Variants in PDZRN3 observed in about 807,000 individuals in gnomAD.
PDZRN3 encodes the protein E3 ubiquitin-protein ligase PDZRN3.
PDZRN3 carries 38 observed loss-of-function variants against 85.7 expected under a neutral mutation model. The ratio of observed to expected loss-of-function variants is 0.44; its 90% confidence interval spans 0.34 to 0.58. PDZRN3 has a LOEUF of 0.58. PDZRN3 is among the 20% of genes least tolerant of loss of function. The pLI is 0.01. For missense variants in PDZRN3, 1,629 were observed against 1,506.4 expected (o/e 1.08, Z -1.35); for synonymous variants, 759 against 638.0 (o/e 1.19, Z -2.86).
chr3:73,530,135 T>G (rs1168266225), intron 3 of PDZRN3, among the ~76,000 whole-genome samples: 5 of 152,198 alleles, frequency 3.3e-5, no homozygotes, highest in African/African-American at 7.2e-5. Context: ...CATCGCACTC[T>G]GGGGGTCAAA....
At chr3:73,569,214 G>T (rs764583283) in intron 3 of PDZRN3, 14 of 1,288,892 alleles carry the variant, frequency 1.1e-5, no homozygotes, top group Non-Finnish European at 1.4e-5. Context: ...GATTTCTGAA[G>T]GTCCTTCATA....
At chr3:73,549,382 G>A (rs776998660) in intron 3 of PDZRN3, among the ~76,000 whole-genome samples, 5 of 152,184 alleles carry the variant, frequency 3.3e-5, no homozygotes, top group African/African-American at 7.2e-5. Context: ...GGCAGGAAGA[G>A]TGAATCAAGC....
At chr3:73,440,223 A>G (rs1055250861) in intron 3 of PDZRN3, among the ~76,000 whole-genome samples, 1 of 152,142 alleles carries the variant, frequency 6.6e-6, no homozygotes, top group Admixed American at 6.5e-5. Context: ...TTTTTACAAT[A>G]ACATGGAGAG....
chr3:73,484,075 C>A (rs1056830951), intron 3 of PDZRN3, among the ~76,000 whole-genome samples: 1 of 151,772 alleles, frequency 6.6e-6, no homozygotes, highest in Non-Finnish European at 1.5e-5. Flanking sequence ...AAACATGATG[C>A]GGGGGCCTGG....
At chr3:73,499,329 C>G (rs376910431) in intron 3 of PDZRN3, among the ~76,000 whole-genome samples, 5 of 152,124 alleles carry the variant, frequency 3.3e-5, no homozygotes, top group Non-Finnish European at 5.9e-5. Flanking sequence ...TATAAACCTA[C>G]GAGGCCCAGG....
At chr3:73,607,464 A>C (rs1177334965) in intron 2 of PDZRN3, among the ~76,000 whole-genome samples, 2 of 152,150 alleles carry the variant, frequency 1.3e-5, no homozygotes, top group Non-Finnish European at 2.9e-5. Context: ...GGGCAGGCAC[A>C]GAGTACATCA....
At position 73,569,401 on chromosome 3, in the gene PDZRN3, A is replaced by C. The variant is rs1305147201; in HGVS notation, c.918+32953T>G. 3 of 1,173,796 alleles carry C rather than the reference A, an allele frequency of 2.6e-6. No individual in the cohort carries two copies. In the African/African-American group the frequency reaches 4.9e-5, roughly 19 times the overall value. 72.7% of individuals were successfully genotyped at this position (1,173,796 alleles called of 1,614,324 possible). ...GGCCACATGTGTGCCGCATACCTGT[A>C]CAAGAGTACATATTTCCTGTCTCTT... is the stretch of plus-strand genomic sequence containing the variant. On this transcript the variant is annotated intron_variant, in intron 3 of 9. Transcript: ENST00000263666.
In PDZRN3 at chr3:73,461,400, G is replaced by A. The variant is rs1703100231; in HGVS notation, c.919-57005C>T. 3.3e-5 allele frequency among the ~76,000 whole-genome samples: 5 copies of A among 152,294 alleles called. No individual in the cohort carries two copies. The South Asian group carries it at 1.0e-3, about 32-fold the overall frequency. ...TTTGGAGACCAAAGAAATCTCAAAAGGAATCATTTGGACATGTCTCCCATT... is the reference window on the plus strand; with the variant it reads ...TTTGGAGACCAAAGAAATCTCAAAAAGAATCATTTGGACATGTCTCCCATT... On this transcript the variant is annotated intron_variant, in intron 3 of 9. Coordinates refer to ENST00000263666, the MANE Select transcript of PDZRN3 (RefSeq NM_015009.3).
At chr3:73,404,540 A>G (rs1460853212) in intron 3 of PDZRN3, 145 bp from the exon 4 acceptor site, 2 of 788,522 alleles carry the variant, frequency 2.5e-6, no homozygotes, top group Non-Finnish European at 4.0e-6. Context: ...CTCTGTGTTT[A>G]GGTTTCCCGA....
intron 3 of PDZRN3, among the ~76,000 whole-genome samples, chr3:73,575,836 C>T (rs983047894): frequency 6.6e-6 from 1 of 152,114 alleles, no homozygotes; most frequent in African/African-American, 2.4e-5. Context: ...TCCTATGATT[C>T]TTTATGGTGA....
intron 3 of PDZRN3, among the ~76,000 whole-genome samples, chr3:73,544,318 G>A (rs1160970907): frequency 1.3e-5 from 2 of 152,122 alleles, no homozygotes; most frequent in African/African-American, 4.8e-5. Flanking sequence ...ACACAGATGA[G>A]ACCATATTAT....
intron 3 of PDZRN3, among the ~76,000 whole-genome samples, chr3:73,470,430 T>C (rs932659511): frequency 6.6e-6 from 1 of 152,126 alleles, no homozygotes; most frequent in African/African-American, 2.4e-5. Flanking sequence ...TCATACCAGC[T>C]CATTTGAGCC....
intron 3 of PDZRN3, among the ~76,000 whole-genome samples, chr3:73,578,133 G>C (rs1702150398): frequency 6.6e-6 from 1 of 151,300 alleles, no homozygotes; most frequent in African/African-American, 2.4e-5. Flanking sequence ...TTACTACTGG[G>C]ATCCTTTATG....
At chr3:73,534,839 C>A (rs1051001299) in intron 3 of PDZRN3, among the ~76,000 whole-genome samples, 1 of 152,302 alleles carries the variant, frequency 6.6e-6, no homozygotes, top group African/African-American at 2.4e-5. Flanking sequence ...AGTTTGCTAT[C>A]CGGTCTTCAA....
chr3:73,560,755 T>C (rs1403616992), intron 3 of PDZRN3, among the ~76,000 whole-genome samples: 3 of 152,236 alleles, frequency 2.0e-5, no homozygotes, highest in Admixed American at 6.5e-5. Context: ...TATTTCTGTA[T>C]TTAGCACAGC....
At chr3:73,613,185 T>G (rs1702710151) in intron 1 of PDZRN3, among the ~76,000 whole-genome samples, 1 of 152,002 alleles carries the variant, frequency 6.6e-6, no homozygotes. Context: ...GACCACCAGG[T>G]AGACAATTTT....
intron 3 of PDZRN3, among the ~76,000 whole-genome samples, chr3:73,406,157 C>T (rs992316143): frequency 2.6e-5 from 4 of 152,202 alleles, no homozygotes; most frequent in African/African-American, 9.7e-5. Context: ...ACTGTCTGAA[C>T]CACCAAACTT....
intron 3 of PDZRN3, among the ~76,000 whole-genome samples, chr3:73,454,726 T>C (rs1299162135): frequency 6.6e-6 from 1 of 152,206 alleles, no homozygotes; most frequent in East Asian, 1.9e-4. Context: ...ATGGTACTGA[T>C]TGAGAATAAG....
intron 2 of PDZRN3, among the ~76,000 whole-genome samples, chr3:73,605,198 C>T (rs1702579326): frequency 2.0e-5 from 3 of 146,896 alleles, no homozygotes; most frequent in Admixed American, 1.3e-4. Flanking sequence ...CAGAGTGAGA[C>T]CCCCGTCTCA....
Sources: gnomAD v4.1 joint callset for allele counts (sites outside exome capture counted in the v4.1 genomes callset) on GRCh38, gnomAD v4.1.1 for gene constraint, MANE v1.5 for transcripts, NCBI Gene and HGNC (gene_info 2026-07-23, HGNC 2026-07-21) for gene names.